The following UBQLN1 variants were observed in gnomAD, a reference collection of about 807,000 sequenced individuals.
The protein encoded by UBQLN1 is ubiquilin 1, also known as ubiquilin-1.
In UBQLN1, 13 loss-of-function variants were observed where a neutral mutation model predicts 65.4. The ratio of observed to expected loss-of-function variants is 0.20; its 90% CI spans 0.13 to 0.32. The LOEUF (loss-of-function observed/expected upper bound fraction) is 0.32, where lower values mean the gene tolerates loss of function less well. UBQLN1 is among the 10% of genes least tolerant of loss of function. The pLI is 1.00. For missense variants in UBQLN1, 561 were observed against 724.0 expected, an observed-to-expected ratio of 0.77 and a Z score of 2.58; for synonymous variants, 267 against 247.8, an observed-to-expected ratio of 1.08 and a Z score of -0.73.
At chr9:83,664,946 A>T in intron 9 of UBQLN1, 84 bp downstream of exon 9, 28 of 697,744 alleles carry the variant, frequency 4.0e-5, no homozygotes, top group Non-Finnish European at 5.5e-5. Context: ...AAAAAAAAAA[A>T]GGCAGGCAGA....
chr9:83,662,006 A>C (rs886125522), intron 10 of UBQLN1, 67 bp from the exon 11 acceptor site: 6 of 1,476,216 alleles, frequency 4.1e-6, no homozygotes, highest in Non-Finnish European at 5.5e-6. Flanking sequence ...ATGACTTTTA[A>C]AATTTTTTAA....
At chr9:83,670,911 A>G (rs1470164128) in intron 6 of UBQLN1, among the ~76,000 whole-genome samples, 1 of 152,130 alleles carries the variant, frequency 6.6e-6, no homozygotes, top group African/African-American at 2.4e-5. Flanking sequence ...CATCTGTACA[A>G]GTTTTTTCAT....
rs1203141289 is a variant in UBQLN1 at position 83,663,897 on chromosome 9, G to C, written c.1595C>G (p.Ala532Gly). 2.5e-6 allele frequency: 4 copies of C among 1,613,904 alleles called. No homozygotes were observed. The highest frequency in any genetic ancestry group is 3.4e-6 in the Non-Finnish European group (4 of 1,179,946). ...TACCTGAGGATTTACTCCAGCAAGA[G>C]CCTGCAGCATCTGCTGAATAAACTG... ...HQQFIQQMLQ[A>G]LAGVNPQLQN... The change falls in exon 10 of 11, where the codon GCT (alanine) becomes GGT (glycine). Residue 532 changes from alanine (A) to glycine (G), a missense_variant. By Grantham distance (60) the Ala-to-Gly change is moderately conservative. Coordinates refer to ENST00000376395, the MANE Select transcript of UBQLN1 (RefSeq NM_013438.5).
At chr9:83,676,531 C>G (rs1247521625) in intron 6 of UBQLN1, among the ~76,000 whole-genome samples, 1 of 152,038 alleles carries the variant, frequency 6.6e-6, no homozygotes. Flanking sequence ...GAATATAGAA[C>G]AGAATATTTT....
chr9:83,682,868 A>T, intron 3 of UBQLN1, 83 bp downstream of exon 3: 1 of 607,306 alleles, frequency 1.6e-6, no homozygotes, highest in Non-Finnish European at 2.7e-6. Context: ...ATAATGTTTT[A>T]TTTTCTCATT....
At chr9:83,678,405 T>A in intron 5 of UBQLN1, 36 bp downstream of exon 5, 1 of 1,579,156 alleles carries the variant, frequency 6.3e-7, no homozygotes, top group South Asian at 1.2e-5. Context: ...AAACAGAAGC[T>A]ACTCCTTGGC....
Position 83,665,126 on chromosome 9 carries a change from A to G in UBQLN1, c.1352T>C (p.Leu451Pro). The G allele has an allele frequency of 2.5e-6, 4 of 1,613,046 alleles. No individual in the cohort carries two copies. Among genetic ancestry groups the G allele is most frequent in the Non-Finnish European group, 3.4e-6 (4 of 1,179,604 alleles). ...TGCTCTAGGGTTTGACATTGCTGAT[A>G]GTGTATCAGGATTCTGCATCTAAGG... is the stretch of plus-strand genomic sequence containing the variant. ...FLQQMQNPDTLSAMSNPRAMQ... is the reference protein window; with the variant it reads ...FLQQMQNPDTPSAMSNPRAMQ... The change falls in exon 9 of 11, where the codon CTA becomes CCA. Residue 451 changes from leucine (L) to proline (P), a missense_variant. Leu to Pro is a moderately conservative substitution (Grantham distance 98, BLOSUM62 -3). This residue lies in a region of UBQLN1 where 102 missense variants were observed against 150.7 expected (regional missense o/e 0.68). Coordinates refer to ENST00000376395, the MANE Select transcript of UBQLN1 (RefSeq NM_013438.5).
intron 7 of UBQLN1, chr9:83,667,790 T>C: frequency 2.1e-6 from 2 of 973,318 alleles, no homozygotes; most frequent in Non-Finnish European, 2.4e-6. Context: ...AGAGTCTTTT[T>C]AAATATTTAA....
At chr9:83,675,234 G>A (rs533773755) in intron 6 of UBQLN1, among the ~76,000 whole-genome samples, 1 of 152,108 alleles carries the variant, frequency 6.6e-6, no homozygotes, top group Admixed American at 6.5e-5. Context: ...TCATGCCAAA[G>A]ATTAAAATTT....
At chr9:83,671,251 C>T (rs998501944) in intron 6 of UBQLN1, among the ~76,000 whole-genome samples, 1 of 152,200 alleles carries the variant, frequency 6.6e-6, no homozygotes, top group Non-Finnish European at 1.5e-5. Context: ...CTTCCAAACT[C>T]CTGTTCATGT....
chr9:83,668,119 T>C (rs1190243007), intron 7 of UBQLN1: 1 of 985,426 alleles, frequency 1.0e-6, no homozygotes, highest in Non-Finnish European at 1.2e-6. Context: ...AAGTTTCATA[T>C]GCATAAATCA....
At chr9:83,673,452 C>T (rs545661964) in intron 6 of UBQLN1, among the ~76,000 whole-genome samples, 6 of 144,616 alleles carry the variant, frequency 4.1e-5, no homozygotes, top group East Asian at 4.2e-4. Context: ...GGCTGAGGCA[C>T]GAGAATCTCT....
intron 2 of UBQLN1, among the ~76,000 whole-genome samples, chr9:83,684,047 C>T (rs1020103613): frequency 6.6e-6 from 1 of 151,744 alleles, no homozygotes; most frequent in Non-Finnish European, 1.5e-5. Context: ...AACAAAAAAA[C>T]CCACAACTTT....
At chr9:83,692,240 T>C (rs753391454) in intron 1 of UBQLN1, among the ~76,000 whole-genome samples, 24 of 152,242 alleles carry the variant, frequency 1.6e-4, no homozygotes, top group Admixed American at 7.2e-4. Flanking sequence ...TTTATCTAAA[T>C]GGAATTTGTC....
chr9:83,663,169 G>A (rs1831589443), intron 10 of UBQLN1, among the ~76,000 whole-genome samples: 1 of 149,924 alleles, frequency 6.7e-6, no homozygotes, highest in South Asian at 2.1e-4. Flanking sequence ...GAGGAAGGAG[G>A]AAAAGGAAAG....
In UBQLN1 at chr9:83,675,284, CCAAA is replaced by C. The variant is rs139428968; in HGVS notation, c.1105+2439_1105+2442del. 2.9e-4 allele frequency among the ~76,000 whole-genome samples: 44 copies of C among 152,216 alleles called. No individual in the cohort carries two copies. The East Asian group carries it at 6.7e-3, about 23-fold the overall frequency. On this transcript the variant is annotated intron_variant, in intron 6 of 10. Coordinates refer to ENST00000376395, the MANE Select transcript of UBQLN1 (RefSeq NM_013438.5). ...CACTACCCTGCCAACCCTCCAACAA[CCAAA>C]CATTGAATTACTATATGAATTCGTT...
At chr9:83,698,880 C>T (rs1396601896) in intron 1 of UBQLN1, among the ~76,000 whole-genome samples, 1 of 150,574 alleles carries the variant, frequency 6.6e-6, no homozygotes, top group East Asian at 1.9e-4. Flanking sequence ...TGCCACTGCA[C>T]TCCAGCCTGG....
intron 6 of UBQLN1, among the ~76,000 whole-genome samples, chr9:83,673,107 G>C (rs1444975910): frequency 6.6e-6 from 1 of 152,032 alleles, no homozygotes; most frequent in African/African-American, 2.4e-5. Flanking sequence ...GTACACACCT[G>C]TAATCCCAGC....
At chr9:83,705,444 T>C (rs1381220852) in intron 1 of UBQLN1, among the ~76,000 whole-genome samples, 1 of 152,122 alleles carries the variant, frequency 6.6e-6, no homozygotes, top group African/African-American at 2.4e-5. Context: ...GAGACGGGGT[T>C]TCACCCCGTT....
Sources: gnomAD v4.1 joint callset for allele counts (sites outside exome capture counted in the v4.1 genomes callset) on GRCh38, gnomAD v4.1.1 for gene constraint, gnomAD v4.1.1 regional missense constraint, MANE v1.5 for transcripts, NCBI Gene and HGNC (gene_info 2026-07-23, HGNC 2026-07-21) for gene names.